Variants in STAG1 observed in about 807,000 individuals in gnomAD.
STAG1 encodes the protein cohesin subunit SA-1.
STAG1 carries 26 observed loss-of-function variants against 170.9 expected under a neutral mutation model. The observed-to-expected ratio is 0.15, with a 90% confidence interval of 0.11 to 0.21. The LOEUF is 0.21. Ranked by LOEUF, STAG1 falls within the 10% of genes least tolerant of loss-of-function variation. STAG1 has a pLI of 1.00. For missense variants in STAG1, 964 were observed against 1,509.5 expected (o/e 0.64, Z 5.99); for synonymous variants, 514 against 497.7 (o/e 1.03, Z -0.44).
chr3:136,518,413 G>C (rs1293874723), intron 7 of STAG1: 3 of 699,682 alleles, frequency 4.3e-6, no homozygotes, highest in African/African-American at 1.8e-5. Flanking sequence ...CCCAAGACTT[G>C]TCCTGCAAAG....
chr3:136,641,745 A>G (rs1422704937), intron 1 of STAG1, among the ~76,000 whole-genome samples: 1 of 152,220 alleles, frequency 6.6e-6, no homozygotes, highest in Non-Finnish European at 1.5e-5. Flanking sequence ...AGGACAACTG[A>G]TGACATTTGA....
chr3:136,410,777 C>T (rs370333062), intron 21 of STAG1, among the ~76,000 whole-genome samples: 1 of 152,170 alleles, frequency 6.6e-6, no homozygotes, highest in East Asian at 1.9e-4. Flanking sequence ...AGCTTGAGAC[C>T]AGCCTGGTCA....
chr3:136,568,550 C>T (rs941115091), intron 5 of STAG1, among the ~76,000 whole-genome samples: 2 of 152,060 alleles, frequency 1.3e-5, no homozygotes, highest in Admixed American at 1.3e-4. Context: ...ATTTCAAAAA[C>T]TATATAAATG....
chr3:136,583,108 T>C (rs73228040), intron 4 of STAG1, among the ~76,000 whole-genome samples: 9,274 of 152,250 alleles, frequency 0.061, 375 homozygotes, highest in Non-Finnish European at 0.094. Context: ...TTGATTAACC[T>C]TAGCATCTTA....
intron 16 of STAG1, among the ~76,000 whole-genome samples, chr3:136,427,720 T>C (rs1307627371): frequency 6.6e-6 from 1 of 151,856 alleles, no homozygotes. Flanking sequence ...CAAAAACCAC[T>C]GTACCTTTTG....
At chr3:136,468,561 C>T (rs1319119316) in intron 12 of STAG1, among the ~76,000 whole-genome samples, 3 of 152,122 alleles carry the variant, frequency 2.0e-5, no homozygotes, top group Non-Finnish European at 4.4e-5. Flanking sequence ...GATTCACAGT[C>T]GAATTCTACC....
At chr3:136,472,986 T>C (rs1396104373) in intron 11 of STAG1, among the ~76,000 whole-genome samples, 1 of 152,180 alleles carries the variant, frequency 6.6e-6, no homozygotes, top group Admixed American at 6.5e-5. Flanking sequence ...CCAGTGAAGT[T>C]TCATCTGTAT....
chr3:136,737,079 A>C lies in STAG1; in HGVS notation c.-84+15116T>G, dbSNP rs1934383270. The C allele has an allele frequency of 6.7e-6, 7 of 1,049,436 alleles. No individual in the cohort carries two copies. In the South Asian group the frequency reaches 7.5e-5, roughly 11 times the overall value. The allele number at this position is 1,049,436 out of a possible 1,614,324, so 65.0% of individuals were successfully genotyped here. On this transcript the variant is annotated intron_variant, in intron 1 of 33. Coordinates refer to ENST00000383202, the MANE Select transcript of STAG1 (RefSeq NM_005862.3). ...AAGAACCTCAAATGGGGTGAAACTG[A>C]AGTAAGAGGAACCAGGACAGGTCAG...
At chr3:136,645,368 C>T (rs1173450936) in intron 1 of STAG1, among the ~76,000 whole-genome samples, 1 of 152,106 alleles carries the variant, frequency 6.6e-6, no homozygotes, top group African/African-American at 2.4e-5. Flanking sequence ...CCAACTACTC[C>T]TTCCTCCATG....
chr3:136,606,855 T>C (rs906282060), intron 3 of STAG1, among the ~76,000 whole-genome samples: 1 of 151,636 alleles, frequency 6.6e-6, no homozygotes, highest in African/African-American at 2.4e-5. Context: ...TTCGAGCAAT[T>C]CTCCTGCCTC....
intron 12 of STAG1, among the ~76,000 whole-genome samples, chr3:136,465,651 A>T (rs1210498606): frequency 6.6e-6 from 1 of 151,628 alleles, no homozygotes; most frequent in Non-Finnish European, 1.5e-5. Context: ...TACTAAAACC[A>T]ACAAAATCAA....
rs1028412883 is a variant in STAG1, at chr3:136,337,972, T to C, written c.*282A>G. On this transcript the variant is annotated 3_prime_UTR_variant, in exon 34 of 34. Transcript: ENST00000383202. ...AGCTGTTTTAAAAATTTAAAATTTC[T>C]TCCTCCCTCCAGAAAAACACACACA... is the stretch of plus-strand genomic sequence containing the variant. The C allele has an allele frequency of 1.5e-4, 50 of 328,460 alleles. 1 individual carries two copies. Among genetic ancestry groups the C allele is most frequent in the African/African-American group, 9.7e-4 (46 of 47,184 alleles). 20.3% of individuals were successfully genotyped at this position (328,460 alleles called of 1,614,324 possible). A position where few individuals can be genotyped will look rare whatever the true frequency, so the allele number is the denominator to read the frequency against.
intron 28 of STAG1, among the ~76,000 whole-genome samples, chr3:136,353,704 A>AC (rs1388182340): frequency 2.6e-5 from 4 of 152,200 alleles, no homozygotes; most frequent in Non-Finnish European, 5.9e-5. Flanking sequence ...CCCCTGAGAG[A>AC]ATCTGTTGCT....
chr3:136,488,280 A>G (rs768406901), intron 9 of STAG1, among the ~76,000 whole-genome samples: 51 of 152,090 alleles, frequency 3.4e-4, no homozygotes, highest in Non-Finnish European at 6.8e-4. Context: ...GTGCCACTGC[A>G]TCCGGCTAAT....
chr3:136,629,393 A>G (rs1321955779), intron 2 of STAG1, among the ~76,000 whole-genome samples: 2 of 152,170 alleles, frequency 1.3e-5, no homozygotes, highest in African/African-American at 4.8e-5. Context: ...AGGTAAGGGC[A>G]GAAGTGTATA....
chr3:136,544,821 G>A (rs1312505196), intron 5 of STAG1, among the ~76,000 whole-genome samples: 1 of 151,618 alleles, frequency 6.6e-6, no homozygotes, highest in Non-Finnish European at 1.5e-5. Context: ...AATTACTGAA[G>A]TCTAAGTGTG....
intron 28 of STAG1, among the ~76,000 whole-genome samples, chr3:136,356,508 G>T (rs1318176777): frequency 6.6e-6 from 1 of 151,988 alleles, no homozygotes; most frequent in Non-Finnish European, 1.5e-5. Context: ...AGCCTCCCAA[G>T]TAGCTGGGAC....
At chr3:136,465,463 C>G (rs190586166) in intron 12 of STAG1, among the ~76,000 whole-genome samples, 2 of 148,028 alleles carry the variant, frequency 1.4e-5, no homozygotes, top group Non-Finnish European at 3.0e-5. Flanking sequence ...TCAGATAATC[C>G]AGCTGCTACA....
At chr3:136,343,754 G>T in intron 30 of STAG1, 78 bp downstream of exon 30, 1 of 1,227,782 alleles carries the variant, frequency 8.1e-7, no homozygotes, top group South Asian at 1.7e-5. Context: ...ATGTTCTGAT[G>T]AACAAATAAA....
Sources: gnomAD v4.1 joint callset for allele counts (sites outside exome capture counted in the v4.1 genomes callset) on GRCh38, gnomAD v4.1.1 for gene constraint, MANE v1.5 for transcripts, NCBI Gene and HGNC (gene_info 2026-07-23, HGNC 2026-07-21) for gene names.